Variants in ABCG2 observed in about 807,000 individuals in gnomAD.
ABCG2 encodes the protein broad substrate specificity ATP-binding cassette transporter ABCG2.
ABCG2 carries 80 observed loss-of-function variants against 73.5 expected under a neutral mutation model. The ratio of observed to expected loss-of-function variants is 1.09; its 90% CI spans 0.91 to 1.31. ABCG2 has a LOEUF of 1.31. Ranked by LOEUF, ABCG2 falls within the 50% of genes most tolerant of loss-of-function variation. The probability of loss-of-function intolerance (pLI) is 0.00; values close to 1 mark genes in which losing one functional copy is unlikely to be tolerated. For missense variants in ABCG2, 796 were observed against 786.2 expected (o/e 1.01, Z -0.15); for synonymous variants, 269 against 282.4 (o/e 0.95, Z 0.48).
In ABCG2 at chr4:88,158,588, A is replaced by G. The variant is rs1357956625; in HGVS notation, c.-222T>C. 1.3e-5 allele frequency: 6 copies of G among 456,208 alleles called. No homozygotes were observed. Among genetic ancestry groups the G allele is most frequent in the Admixed American group, 4.7e-5 (2 of 42,558 alleles). The allele number at this position is 456,208 out of a possible 1,614,324, so 28.3% of individuals were successfully genotyped here. ...TTCCTAAATCCTACCCAGTTCCTCC[A>G]CAGGCTGCCTCCTTGCCGCGTCTCT... On this transcript the variant is annotated 5_prime_UTR_variant, in exon 1 of 16. Transcript: ENST00000237612.
intron 1 of ABCG2, among the ~76,000 whole-genome samples, chr4:88,146,148 A>T (rs1005624160): frequency 6.6e-6 from 1 of 152,160 alleles, no homozygotes; most frequent in Non-Finnish European, 1.5e-5. Context: ...CATGGATGAC[A>T]AACCTGCCCA....
At chr4:88,104,596 C>CA (rs1722652254) in intron 10 of ABCG2, among the ~76,000 whole-genome samples, 1 of 151,880 alleles carries the variant, frequency 6.6e-6, no homozygotes, top group Non-Finnish European at 1.5e-5. Context: ...TGTAGCAAAC[C>CA]ACCATGGCAC....
At chr4:88,141,764 G>A (rs1725661418) in intron 1 of ABCG2, among the ~76,000 whole-genome samples, 1 of 152,020 alleles carries the variant, frequency 6.6e-6, no homozygotes, top group East Asian at 1.9e-4. Context: ...TTTTAAAATT[G>A]CCAGGCATGC....
chr4:88,098,325 G>C (rs1195894244), intron 12 of ABCG2, among the ~76,000 whole-genome samples: 1 of 151,956 alleles, frequency 6.6e-6, no homozygotes, highest in African/African-American at 2.4e-5. Flanking sequence ...ATATTTCCGG[G>C]GGTTTTGTGT....
chr4:88,099,109 A>G (rs1722199684), intron 12 of ABCG2, among the ~76,000 whole-genome samples: 1 of 152,204 alleles, frequency 6.6e-6, no homozygotes, highest in Non-Finnish European at 1.5e-5. Context: ...AGCGAAACAA[A>G]GCAAACAAAC....
rs193034294 is a variant in ABCG2, at chr4:88,125,997, T to C, written c.532-4205A>G. On this transcript the variant is annotated intron_variant, in intron 5 of 15. Coordinates refer to ENST00000237612, the MANE Select transcript of ABCG2 (RefSeq NM_004827.3). ...TCAAACAAATCAACGAATCCAGGGC[T>C]GGTTTTTTGAAAAGTTTAATAGAAT... Among the ~76,000 whole-genome samples the C allele has an allele frequency of 5.3e-5, 8 of 152,272 alleles. No individual in the cohort carries two copies. In the East Asian group the frequency reaches 1.5e-3, roughly 29 times the overall value.
At chr4:88,211,358 G>GGGGGGGC (rs1553900212) in intron 1 of ABCG2, among the ~76,000 whole-genome samples, 1 of 33,674 alleles carries the variant, frequency 3.0e-5, no homozygotes, top group Non-Finnish European at 5.6e-5. Context: ...TTCAACCCCT[G>GGGGGGGC]CCCCACCCCC....
intron 1 of ABCG2, among the ~76,000 whole-genome samples, chr4:88,142,832 C>T (rs537982204): frequency 2.0e-5 from 3 of 152,032 alleles, no homozygotes; most frequent in Non-Finnish European, 2.9e-5. Context: ...CCCATGGTTT[C>T]GGCTACTCGG....
intron 1 of ABCG2, among the ~76,000 whole-genome samples, chr4:88,184,063 C>T (rs961536211): frequency 6.6e-6 from 1 of 152,084 alleles, no homozygotes; most frequent in African/African-American, 2.4e-5. Flanking sequence ...TATTCCTCAA[C>T]ATAATAAAAG....
intron 13 of ABCG2, 119 bp downstream of exon 13, chr4:88,097,334 G>C: frequency 1.7e-6 from 2 of 1,179,484 alleles, no homozygotes; most frequent in Non-Finnish European, 2.4e-6. Context: ...ATGGCCTTAA[G>C]TAAAGCAGAG....
At chr4:88,165,082 G>A (rs571294165) in intron 1 of ABCG2, among the ~76,000 whole-genome samples, 2 of 152,198 alleles carry the variant, frequency 1.3e-5, no homozygotes, top group African/African-American at 4.8e-5. Flanking sequence ...TCTGGCCGAG[G>A]TAAATGTTTT....
chr4:88,211,737 T>C (rs1016998594), intron 1 of ABCG2, among the ~76,000 whole-genome samples: 4 of 152,154 alleles, frequency 2.6e-5, no homozygotes, highest in Non-Finnish European at 5.9e-5. Flanking sequence ...TACTTTCAAA[T>C]GACCAAGATA....
intron 2 of ABCG2, among the ~76,000 whole-genome samples, chr4:88,136,828 C>A (rs938221872): frequency 1.3e-5 from 2 of 151,822 alleles, no homozygotes; most frequent in Non-Finnish European, 2.9e-5. Flanking sequence ...CCAGCCTGGC[C>A]AATATGATGA....
chr4:88,139,267 T>C lies in ABCG2; in HGVS notation c.203+526A>G, dbSNP rs148076017. ...CACCCTCACAAAGTACGCTTTTTCT[T>C]TTTCTTTTAAGATAGGCTCTCACTT... On this transcript the variant is annotated intron_variant, in intron 2 of 15. Transcript: ENST00000237612. Among the ~76,000 whole-genome samples, 317 of 152,258 alleles carry C rather than the reference T, an allele frequency of 2.1e-3. 1 individual carries two copies. Among genetic ancestry groups the C allele is most frequent in the African/African-American group, 7.2e-3 (299 of 41,546 alleles).
At chr4:88,151,278 G>A (rs1227819042) in intron 1 of ABCG2, among the ~76,000 whole-genome samples, 1 of 152,180 alleles carries the variant, frequency 6.6e-6, no homozygotes, top group East Asian at 1.9e-4. Flanking sequence ...GTCCCCAGGG[G>A]GAAACAAAAT....
intron 1 of ABCG2, among the ~76,000 whole-genome samples, chr4:88,181,591 C>A (rs557378926): frequency 6.6e-6 from 1 of 151,870 alleles, no homozygotes; most frequent in Non-Finnish European, 1.5e-5. Flanking sequence ...AATAGCCTGG[C>A]GTGGTGGTGC....
At chr4:88,144,449 CTTT>C (rs59434855) in intron 1 of ABCG2, among the ~76,000 whole-genome samples, 4 of 77,598 alleles carry the variant, frequency 5.2e-5, no homozygotes, top group African/African-American at 1.7e-4. Context: ...CACATTTTTA[CTTT>C]TTTTTTTTTT....
chr4:88,189,791 A>C (rs1045397162), intron 1 of ABCG2, among the ~76,000 whole-genome samples: 6 of 152,210 alleles, frequency 3.9e-5, no homozygotes, highest in Non-Finnish European at 1.5e-5. Context: ...TAAGTGGCAA[A>C]ATCAGGCACT....
At position 88,139,539 on chromosome 4, in the gene ABCG2, C is replaced by G. The variant is rs182960012; in HGVS notation, c.203+254G>C. 3.2e-3 allele frequency among the ~76,000 whole-genome samples: 488 copies of G among 152,280 alleles called. 18 individuals are homozygous for G. Among genetic ancestry groups the G allele is most frequent in the Admixed American group, 0.028 (424 of 15,296 alleles). The stretch of plus-strand genomic sequence containing the variant: ...AAGTGCTGGGATTACAGGCATGAGC[C>G]ACCATATCCAGCCACATGTGGTGCA... On this transcript the variant is annotated intron_variant, in intron 2 of 15. Coordinates refer to ENST00000237612, the MANE Select transcript of ABCG2 (RefSeq NM_004827.3).
Sources: allele counts gnomAD v4.1 joint callset (sites outside exome capture counted in the v4.1 genomes callset), GRCh38; gene constraint gnomAD v4.1.1; transcripts MANE v1.5; gene names NCBI Gene and HGNC (gene_info 2026-07-23, HGNC 2026-07-21).